The following CHMP3 variants were observed in gnomAD, a reference collection of about 807,000 sequenced individuals.
CHMP3 encodes the protein charged multivesicular body protein 3.
CHMP3 carries 8 observed loss-of-function variants against 27.4 expected under a neutral mutation model. The observed-to-expected ratio is 0.29, with a 90% CI of 0.17 to 0.53. The LOEUF (loss-of-function observed/expected upper bound fraction) is 0.53, where lower values mean the gene tolerates loss of function less well. CHMP3 is among the 20% of genes least tolerant of loss of function. CHMP3 has a pLI of 0.96. For synonymous variants in CHMP3, 86 were observed against 85.5 expected (o/e 1.01, Z -0.03); for missense variants, 208 against 271.5 (o/e 0.77, Z 1.64).
intron 1 of CHMP3, among the ~76,000 whole-genome samples, chr2:86,543,045 CTGAG>C (rs1430090275): frequency 6.6e-6 from 1 of 152,150 alleles, no homozygotes; most frequent in Admixed American, 6.5e-5. Flanking sequence ...GCTCAAAAAA[CTGAG>C]TGACACTGCT....
chr2:86,542,449 G>T, intron 1 of CHMP3, 137 bp from the exon 2 acceptor site: 6 of 820,912 alleles, frequency 7.3e-6, no homozygotes, highest in Admixed American at 2.8e-5. Flanking sequence ...AGAGCTTTAG[G>T]GTCAAATTTT....
At position 86,505,808 on chromosome 2, in the gene CHMP3, C is replaced by G; in HGVS notation, c.665G>C (p.Ser222Thr). Residue 222 changes from serine to threonine, a missense_variant, in exon 6 of 6, where the codon AGC (serine) becomes ACC (threonine). Ser to Thr is a moderately conservative substitution (Grantham distance 58, BLOSUM62 1). Around this residue, in one of 3 missense-constraint regions of CHMP3, gnomAD observed 62 missense variants for 68.4 expected, o/e 0.91. Transcript: ENST00000263856. ...ACCCAGCGGGGTAGGCAGCCCCTAG[C>G]TGCGGAGTGTGGCCAGCCGGGACTG... ...AMQSRLATLR[S>T] is the part of the protein sequence containing the mutation. 2 of 1,582,624 alleles carry G rather than the reference C, an allele frequency of 1.3e-6. No individual in the cohort carries two copies. The highest frequency in any genetic ancestry group is 1.7e-6 in the Non-Finnish European group (2 of 1,163,844).
At chr2:86,525,532 CAAA>C (rs1242579774) in intron 3 of CHMP3, among the ~76,000 whole-genome samples, 5 of 101,690 alleles carry the variant, frequency 4.9e-5, no homozygotes, top group Non-Finnish European at 8.3e-5. Flanking sequence ...GATCTTGTCT[CAAA>C]AAAAAAAAAA....
chr2:86,559,900 C>A (rs1677279091), intron 1 of CHMP3, among the ~76,000 whole-genome samples: 1 of 152,180 alleles, frequency 6.6e-6, no homozygotes, highest in Admixed American at 6.5e-5. Context: ...AACTCCTATA[C>A]CTGTGTATGT....
chr2:86,545,558 G>A (rs1676550178), intron 1 of CHMP3, among the ~76,000 whole-genome samples: 1 of 120,502 alleles, frequency 8.3e-6, no homozygotes, highest in Non-Finnish European at 1.8e-5. Context: ...GCCGGGCAGA[G>A]GCGCTCCTCA....
chr2:86,533,987 T>A (rs986367132), intron 2 of CHMP3, among the ~76,000 whole-genome samples: 1 of 152,204 alleles, frequency 6.6e-6, no homozygotes, highest in Non-Finnish European at 1.5e-5. Flanking sequence ...TCTGTGAATT[T>A]TCCAGTATTC....
Position 86,529,253 on chromosome 2 carries a change from A to G in CHMP3, c.251T>C (p.Met84Thr). The G allele has an allele frequency of 6.2e-7, 1 of 1,612,100 alleles. No individual in the cohort carries two copies. Among genetic ancestry groups the G allele is most frequent in the Non-Finnish European group, 8.5e-7 (1 of 1,179,206 alleles). Residue 84 changes from methionine to threonine, a missense_variant, in exon 3 of 6, where the codon ATG becomes ACG. By Grantham distance (81) the Met-to-Thr change is moderately conservative. Around this residue, in one of 3 missense-constraint regions of CHMP3, gnomAD observed 94 missense variants for 159.6 expected, o/e 0.59. Transcript: ENST00000263856. ...CTTCATCCCCATGAGCACTGAGTTC[A>G]TGTGTGCTTTGGATGCATACAGCTT... ...VSKLYASKAH[M>T]NSVLMGMKNQ...
Position 86,503,848 on chromosome 2 carries a change from A to C in CHMP3, c.*1956T>G, listed in dbSNP as rs1674789473. ...TTATCCTTAACAAACTAACATAGGA[A>C]CAGGAAACCAAATATTCCATGTTCT... is the stretch of plus-strand genomic sequence containing the variant. On this transcript the variant is annotated 3_prime_UTR_variant, in exon 6 of 6. Transcript: ENST00000263856. The C allele has an allele frequency of 6.6e-6, 1 of 152,268 alleles. No individual in the cohort carries two copies. The highest frequency in any genetic ancestry group is 6.5e-5 in the Admixed American group (1 of 15,290). The allele number at this position is 152,268 out of a possible 1,614,324, so 9.4% of individuals were successfully genotyped here.
At chr2:86,537,418 T>C (rs1441787563) in intron 2 of CHMP3, among the ~76,000 whole-genome samples, 1 of 152,214 alleles carries the variant, frequency 6.6e-6, no homozygotes, top group Admixed American at 6.5e-5. Context: ...TCTTTGCACA[T>C]CGATACTTGC....
At chr2:86,513,417 A>G (rs1675178602) in intron 3 of CHMP3, among the ~76,000 whole-genome samples, 1 of 152,236 alleles carries the variant, frequency 6.6e-6, no homozygotes, top group Non-Finnish European at 1.5e-5. Context: ...GTATGATACT[A>G]TAATTGTGGA....
At chr2:86,535,748 C>T (rs914562418) in intron 2 of CHMP3, among the ~76,000 whole-genome samples, 10 of 152,112 alleles carry the variant, frequency 6.6e-5, no homozygotes, top group African/African-American at 1.7e-4. Flanking sequence ...TTAGGTGATC[C>T]GCCCACCTTG....
At chr2:86,561,930 A>G (rs1677385933) in intron 1 of CHMP3, 1 of 152,246 alleles carries the variant, frequency 6.6e-6, no homozygotes. Context: ...CCAAACACTG[A>G]AGACAACAAA....
At chr2:86,525,669 CA>C (rs1295716203) in intron 3 of CHMP3, among the ~76,000 whole-genome samples, 4 of 151,744 alleles carry the variant, frequency 2.6e-5, no homozygotes, top group Non-Finnish European at 5.9e-5. Flanking sequence ...ACCTCATAAA[CA>C]AAAATGCAAA....
chr2:86,544,356 T>TA (rs1240370797), intron 1 of CHMP3, among the ~76,000 whole-genome samples: 1 of 151,462 alleles, frequency 6.6e-6, no homozygotes, highest in Non-Finnish European at 1.5e-5. Context: ...TTTTTTTTTT[T>TA]AGTACTTATT....
chr2:86,507,959 A>G (rs938700810), intron 4 of CHMP3, among the ~76,000 whole-genome samples: 1 of 152,146 alleles, frequency 6.6e-6, no homozygotes, highest in African/African-American at 2.4e-5. Context: ...TGCAAATATA[A>G]TCCGTGAACG....
chr2:86,515,883 C>G (rs1030945782), intron 3 of CHMP3, among the ~76,000 whole-genome samples: 4 of 151,926 alleles, frequency 2.6e-5, no homozygotes, highest in African/African-American at 9.7e-5. Context: ...TTTGGCTGGG[C>G]ATGGTGGCTC....
intron 3 of CHMP3, among the ~76,000 whole-genome samples, chr2:86,517,698 C>A (rs964777390): frequency 6.6e-6 from 1 of 151,866 alleles, no homozygotes; most frequent in Non-Finnish European, 1.5e-5. Context: ...ATCACAGGCT[C>A]TCATGGGAAT....
intron 2 of CHMP3, among the ~76,000 whole-genome samples, chr2:86,538,058 A>G (rs957520428): frequency 3.3e-5 from 5 of 152,222 alleles, no homozygotes; most frequent in African/African-American, 1.2e-4. Context: ...AAAATATGGT[A>G]TATACAGACA....
At chr2:86,508,775 C>T (rs780549729) in intron 4 of CHMP3, among the ~76,000 whole-genome samples, 30 of 152,184 alleles carry the variant, frequency 2.0e-4, no homozygotes, top group Admixed American at 1.9e-3. Flanking sequence ...TCCTCAGATC[C>T]GTTCTTCCCA....
Sources: allele counts gnomAD v4.1 joint callset (sites outside exome capture counted in the v4.1 genomes callset), GRCh38; gene constraint gnomAD v4.1.1; regional missense constraint gnomAD v4.1.1; transcripts MANE v1.5; gene names NCBI Gene and HGNC (gene_info 2026-07-23, HGNC 2026-07-21).